Variants in PDE11A observed in about 807,000 individuals in gnomAD.
PDE11A encodes dual 3',5'-cyclic-AMP and -GMP phosphodiesterase 11A.
A neutral mutation model predicts 100.5 loss-of-function variants in PDE11A; 100 were observed. That is an observed-to-expected ratio of 1.00 (90% CI 0.85 to 1.18). The LOEUF (loss-of-function observed/expected upper bound fraction) is 1.18, where lower values mean the gene tolerates loss of function less well. PDE11A is among the 50% of genes most tolerant of loss of function. The probability of loss-of-function intolerance (pLI) is 0.00; values close to 1 mark genes in which losing one functional copy is unlikely to be tolerated. For missense variants in PDE11A, 1,141 were observed against 1,152.6 expected, an observed-to-expected ratio of 0.99 and a Z score of 0.15; for synonymous variants, 381 against 420.8, an observed-to-expected ratio of 0.91 and a Z score of 1.16.
chr2:177,963,935 C>T (rs962502537), intron 2 of PDE11A, among the ~76,000 whole-genome samples: 5 of 152,114 alleles, frequency 3.3e-5, no homozygotes, highest in African/African-American at 4.8e-5. Flanking sequence ...GAACTGTCAT[C>T]GTGAGTGGAT....
intron 6 of PDE11A, among the ~76,000 whole-genome samples, chr2:177,821,750 T>C (rs2083144713): frequency 6.6e-6 from 1 of 151,898 alleles, no homozygotes; most frequent in Admixed American, 6.6e-5. Context: ...GGTTTAAGTC[T>C]GTTTTCCTGA....
At position 177,669,501 on chromosome 2, in the gene PDE11A, T is replaced by C; in HGVS notation, c.2554A>G (p.Thr852Ala). ...GDRERLELKL[T>A]PSAIFDRNRK... ...TTAAAGGATGAACTCACTGAAGGAG[T>C]GAGTTTGAGCTCTAATCTCTCCCGA... The change falls in exon 18 of 20, where the codon ACT becomes GCT. Residue 852 changes from threonine (T) to alanine (A), a missense_variant. Transcript: ENST00000286063. The C allele has an allele frequency of 7.7e-7, 1 of 1,300,924 alleles. No homozygotes were observed. Among genetic ancestry groups the C allele is most frequent in the South Asian group, 1.2e-5 (1 of 84,892 alleles). 80.6% of individuals were successfully genotyped at this position (1,300,924 alleles called of 1,614,324 possible). A position where few individuals can be genotyped will look rare whatever the true frequency, so the allele number is the denominator to read the frequency against.
At chr2:178,051,773 T>C (rs1475237309) in intron 1 of PDE11A, among the ~76,000 whole-genome samples, 1 of 152,126 alleles carries the variant, frequency 6.6e-6, no homozygotes, top group Non-Finnish European at 1.5e-5. Context: ...AGAAGGCCAT[T>C]ACATAATGGT....
intron 19 of PDE11A, among the ~76,000 whole-genome samples, chr2:177,646,367 A>G (rs2080223489): frequency 6.6e-6 from 1 of 152,218 alleles, no homozygotes; most frequent in Non-Finnish European, 1.5e-5. Context: ...TGAATTAACT[A>G]CTGAGTATTC....
At chr2:177,851,779 G>T (rs1443186021) in intron 5 of PDE11A, among the ~76,000 whole-genome samples, 1 of 151,960 alleles carries the variant, frequency 6.6e-6, no homozygotes, top group African/African-American at 2.4e-5. Context: ...CATGTTCAGG[G>T]CATGCAGGTT....
chr2:177,657,376 C>T (rs1527401), intron 19 of PDE11A, among the ~76,000 whole-genome samples: 87,896 of 152,108 alleles, frequency 0.58, 29,771 homozygotes, highest in Non-Finnish European at 0.72. Context: ...AGGCAAATGG[C>T]GGTTCCCAGC....
intron 2 of PDE11A, among the ~76,000 whole-genome samples, chr2:177,988,599 T>A (rs2085967146): frequency 6.6e-6 from 1 of 152,190 alleles, no homozygotes; most frequent in African/African-American, 2.4e-5. Flanking sequence ...AATTCTTAAT[T>A]TTTGAACAAG....
At chr2:178,039,517 C>T (rs768061781) in intron 1 of PDE11A, among the ~76,000 whole-genome samples, 19 of 151,922 alleles carry the variant, frequency 1.3e-4, no homozygotes, top group South Asian at 4.2e-4. Context: ...TACATGTACC[C>T]CCAAACCTAA....
At chr2:177,958,774 A>C (rs1429556492) in intron 2 of PDE11A, among the ~76,000 whole-genome samples, 1 of 152,218 alleles carries the variant, frequency 6.6e-6, no homozygotes, top group Non-Finnish European at 1.5e-5. Flanking sequence ...ATAATTCCAG[A>C]GTTAGAGATT....
chr2:177,964,766 C>T (rs940239752), intron 2 of PDE11A, among the ~76,000 whole-genome samples: 1 of 151,638 alleles, frequency 6.6e-6, no homozygotes, highest in African/African-American at 2.4e-5. Flanking sequence ...TATCCATGTC[C>T]ATCACTGATG....
At chr2:177,675,729 C>G in intron 16 of PDE11A, 1 of 686,506 alleles carries the variant, frequency 1.5e-6, no homozygotes, top group South Asian at 1.5e-5. Flanking sequence ...AGCTCTCACA[C>G]ATCCTCTGGT....
At chr2:178,048,436 C>T (rs1010798008) in intron 1 of PDE11A, among the ~76,000 whole-genome samples, 3 of 152,088 alleles carry the variant, frequency 2.0e-5, no homozygotes, top group Non-Finnish European at 2.9e-5. Flanking sequence ...CAATATTTCC[C>T]CCTTTTCTGT....
chr2:178,089,217 A>G (rs1290516666), intron 2 of PDE11A, among the ~76,000 whole-genome samples: 2 of 152,210 alleles, frequency 1.3e-5, no homozygotes, highest in African/African-American at 4.8e-5. Context: ...TAAGACCACA[A>G]AGCAGAACTA....
chr2:177,880,836 AT>A (rs2031318206), intron 4 of PDE11A, among the ~76,000 whole-genome samples: 1 of 152,210 alleles, frequency 6.6e-6, no homozygotes, highest in Non-Finnish European at 1.5e-5. Flanking sequence ...TCCAGTGTGT[AT>A]AAAGTACTGG....
At chr2:177,790,979 A>T (rs181221562) in intron 9 of PDE11A, among the ~76,000 whole-genome samples, 74 of 152,300 alleles carry the variant, frequency 4.9e-4, no homozygotes, top group African/African-American at 1.6e-3. Flanking sequence ...GTCAGTGTGG[A>T]GATTCCTCAG....
rs1176847231 is a variant in PDE11A, at chr2:177,865,381, C to A, written c.1367+10478G>T. On this transcript the variant is annotated intron_variant, in intron 5 of 19. Coordinates refer to ENST00000286063, the MANE Select transcript of PDE11A (RefSeq NM_016953.4). ...AATAAAAATAAGGATTGATAAGCAT[C>A]AAAATGGAACCCTCATTCTTTGCTG... Among the ~76,000 whole-genome samples, 4 of 152,128 alleles carry A rather than the reference C, an allele frequency of 2.6e-5. No homozygotes were observed. The East Asian group carries it at 7.7e-4, about 29-fold the overall frequency.
chr2:177,786,763 C>T (rs1463986962), intron 9 of PDE11A, among the ~76,000 whole-genome samples: 8 of 151,914 alleles, frequency 5.3e-5, no homozygotes, highest in East Asian at 3.9e-4. Context: ...GGAGCCGATG[C>T]GATCAACTGG....
chr2:177,906,284 T>C (rs1196503872), intron 2 of PDE11A, among the ~76,000 whole-genome samples: 1 of 151,994 alleles, frequency 6.6e-6, no homozygotes, highest in Non-Finnish European at 1.5e-5. Flanking sequence ...GGCAGTGCAG[T>C]GCCCGCTGTG....
intron 5 of PDE11A, among the ~76,000 whole-genome samples, chr2:177,850,236 C>A (rs951598668): frequency 2.6e-5 from 4 of 152,168 alleles, no homozygotes; most frequent in African/African-American, 9.7e-5. Flanking sequence ...TACCACACAT[C>A]TACAACTATC....
Sources: gnomAD v4.1 joint callset for allele counts (sites outside exome capture counted in the v4.1 genomes callset) on GRCh38, gnomAD v4.1.1 for gene constraint, MANE v1.5 for transcripts, NCBI Gene and HGNC (gene_info 2026-07-23, HGNC 2026-07-21) for gene names.